Variants in TTC13 observed in about 807,000 individuals in gnomAD.
TTC13 encodes tetratricopeptide repeat protein 13.
In TTC13, 62 loss-of-function variants were observed where a neutral mutation model predicts 120.0. The ratio of observed to expected loss-of-function variants is 0.52; its 90% CI spans 0.42 to 0.64. The LOEUF (loss-of-function observed/expected upper bound fraction) is 0.64. Ranked by LOEUF, TTC13 falls within the 30% of genes least tolerant of loss-of-function variation. The pLI, the probability that TTC13 is intolerant of heterozygous loss-of-function variation, is 0.00. For missense variants in TTC13, 824 were observed against 1,050.2 expected, an observed-to-expected ratio of 0.78 and a Z score of 2.98; for synonymous variants, 384 against 393.5, an observed-to-expected ratio of 0.98 and a Z score of 0.28.
chr1:230,914,440 G>A (rs1369802236), intron 18 of TTC13, among the ~76,000 whole-genome samples: 3 of 151,968 alleles, frequency 2.0e-5, no homozygotes, highest in Non-Finnish European at 4.4e-5. Flanking sequence ...CTGTCACCAG[G>A]CTGGAGTGCA....
rs1469538775 is a variant in TTC13 at position 230,978,519 on chromosome 1, G to A, written c.271+41C>T. 5 of 653,050 alleles carry A rather than the reference G, an allele frequency of 7.7e-6. No individual in the cohort carries two copies. Among genetic ancestry groups the A allele is most frequent in the Non-Finnish European group, 2.2e-6 (1 of 457,156 alleles). 40.5% of individuals were successfully genotyped at this position (653,050 alleles called of 1,614,324 possible). A position where few individuals can be genotyped will look rare whatever the true frequency, so the allele number is the denominator to read the frequency against. On this transcript the variant is annotated intron_variant, in intron 1 of 22. Coordinates refer to ENST00000366661, the MANE Select transcript of TTC13 (RefSeq NM_024525.5). The surrounding 1 kb of genome is among the most constrained non-coding windows in gnomAD (Gnocchi z 5.6). ...CCCGGGACCCCAGCCCCGCTGCCCC[G>A]CCGCCCCGGCCGACTCGGACGCCCG...
chr1:230,928,143 A>G (rs1222090979), intron 12 of TTC13, among the ~76,000 whole-genome samples: 4 of 152,164 alleles, frequency 2.6e-5, no homozygotes, highest in African/African-American at 9.7e-5. Flanking sequence ...GTTCTTCAAT[A>G]CATTTGCTTA....
rs187105551 is a variant in TTC13 at position 230,927,799 on chromosome 1, C to A, written c.1457+1138G>T. Among the ~76,000 whole-genome samples the A allele has an allele frequency of 2.1e-3, 318 of 152,218 alleles. 3 individuals carry two copies. Among genetic ancestry groups the A allele is most frequent in the African/African-American group, 7.2e-3 (301 of 41,538 alleles). On this transcript the variant is annotated intron_variant, in intron 12 of 22. Transcript: ENST00000366661. ...ATAAACATCTTCATTTATATTTCCT[C>A]CTAAAGTTTAAAATATTTTGCCATT...
intron 8 of TTC13, 96 bp from the exon 9 acceptor site, chr1:230,933,957 C>G (rs1673808255): frequency 4.5e-6 from 3 of 663,604 alleles, no homozygotes; most frequent in Non-Finnish European, 4.7e-6. Context: ...ATCCTAGTCT[C>G]TGACAGATTT....
intron 1 of TTC13, among the ~76,000 whole-genome samples, chr1:230,961,870 A>C (rs1676669686): frequency 6.6e-6 from 1 of 152,160 alleles, no homozygotes; most frequent in Non-Finnish European, 1.5e-5. Flanking sequence ...GATTAAAAAA[A>C]ATCACAAAAG....
At chr1:230,927,822 A>G (rs1673171287) in intron 12 of TTC13, among the ~76,000 whole-genome samples, 1 of 152,186 alleles carries the variant, frequency 6.6e-6, no homozygotes, top group Non-Finnish European at 1.5e-5. Context: ...ATATTTTGCC[A>G]TTCATACTTC....
In TTC13 at chr1:230,960,860, G is replaced by A. The variant is rs1676566273; in HGVS notation, c.366+349C>T. ...GAGAGGTCCACGGTATAGTTTAGTT[G>A]GTACTGATAGAAAACATAGATACAA... On this transcript the variant is annotated intron_variant, in intron 2 of 22. Coordinates refer to ENST00000366661, the MANE Select transcript of TTC13 (RefSeq NM_024525.5). Among the ~76,000 whole-genome samples, 3 of 152,150 alleles carry A rather than the reference G, an allele frequency of 2.0e-5. No homozygotes were observed. In the South Asian group the frequency reaches 6.2e-4, roughly 32 times the overall value.
chr1:230,954,242 C>T, intron 4 of TTC13, 91 bp downstream of exon 4: 1 of 863,482 alleles, frequency 1.2e-6, no homozygotes, highest in Non-Finnish European at 1.8e-6. Context: ...AATTTAAAAA[C>T]ATGTCGTATT....
chr1:230,908,716 T>C lies in TTC13; in HGVS notation c.2464A>G (p.Lys822Glu), dbSNP rs757772505. ...SKVAKSWMNL[K>E]SISPSYKTLP... ...GGACCCCCCTCAAGTAGTTACCTTT[T>C]CAAGTTCATCCAGCTTTTGGCGACT... The change falls in exon 22 of 23, where the codon AAA becomes GAA. Residue 822 changes from lysine to glutamate, a missense_variant. Lys to Glu is a moderately conservative substitution (Grantham distance 56). Around this residue, in one of 4 missense-constraint regions of TTC13, gnomAD observed 226 missense variants for 259.1 expected, o/e 0.87. Coordinates refer to ENST00000366661, the MANE Select transcript of TTC13 (RefSeq NM_024525.5). 1.2e-6 allele frequency: 2 copies of C among 1,613,226 alleles called. No individual in the cohort carries two copies. Among genetic ancestry groups the C allele is most frequent in the African/African-American group, 2.7e-5 (2 of 74,920 alleles).
At chr1:230,955,808 C>A (rs1676028874) in intron 3 of TTC13, among the ~76,000 whole-genome samples, 1 of 152,096 alleles carries the variant, frequency 6.6e-6, no homozygotes, top group South Asian at 2.1e-4. Context: ...TGGGGGCATT[C>A]TTCAAAATAA....
chr1:230,918,313 A>C (rs1672241415), intron 17 of TTC13, among the ~76,000 whole-genome samples: 1 of 152,306 alleles, frequency 6.6e-6, no homozygotes, highest in African/African-American at 2.4e-5. Context: ...ATGACAATGT[A>C]GCTCACCAAA....
At chr1:230,967,923 T>C (rs1157728713) in intron 1 of TTC13, among the ~76,000 whole-genome samples, 1 of 152,232 alleles carries the variant, frequency 6.6e-6, no homozygotes, top group African/African-American at 2.4e-5. Context: ...CTATAGAAAC[T>C]GTGTGAAAAC....
At chr1:230,971,410 C>T (rs998307317) in intron 1 of TTC13, among the ~76,000 whole-genome samples, 7 of 151,158 alleles carry the variant, frequency 4.6e-5, no homozygotes, top group African/African-American at 1.7e-4. Context: ...TCAATGGCCC[C>T]GAAATATGGT....
chr1:230,923,008 T>C (rs926515476), intron 15 of TTC13, among the ~76,000 whole-genome samples: 1 of 152,172 alleles, frequency 6.6e-6, no homozygotes, highest in Admixed American at 6.5e-5. Context: ...ATTTGTTTTC[T>C]AGAAATTAAA....
chr1:230,967,286 T>C (rs1677219531), intron 1 of TTC13, among the ~76,000 whole-genome samples: 3 of 152,182 alleles, frequency 2.0e-5, no homozygotes, highest in African/African-American at 7.2e-5. Flanking sequence ...TCATCAACTT[T>C]TGATGATAAA....
intron 4 of TTC13, among the ~76,000 whole-genome samples, chr1:230,946,875 G>A (rs1016379185): frequency 1.1e-4 from 16 of 152,064 alleles, no homozygotes; most frequent in African/African-American, 3.4e-4. Context: ...TAAGAGGGGC[G>A]GGGAACAGTA....
chr1:230,943,671 G>A, intron 6 of TTC13, 135 bp downstream of exon 6: 1 of 594,538 alleles, frequency 1.7e-6, no homozygotes, highest in Admixed American at 2.9e-5. Context: ...CATGCTTAAA[G>A]GCATTAAGTA....
chr1:230,931,210 T>C (rs1673523238), intron 11 of TTC13, 88 bp downstream of exon 11: 30 of 1,445,994 alleles, frequency 2.1e-5, no homozygotes, highest in Non-Finnish European at 2.8e-5. Flanking sequence ...GACTCCACTG[T>C]TTCATACGAA....
At chr1:230,915,871 C>T (rs547654004) in intron 18 of TTC13, among the ~76,000 whole-genome samples, 5 of 145,172 alleles carry the variant, frequency 3.4e-5, no homozygotes, top group African/African-American at 1.3e-4. Flanking sequence ...AACTGCTCAT[C>T]TTTTTTCATT....
Sources: allele counts gnomAD v4.1 joint callset (sites outside exome capture counted in the v4.1 genomes callset), GRCh38; gene constraint gnomAD v4.1.1; regional missense constraint gnomAD v4.1.1; non-coding constraint Gnocchi (gnomAD v3.1); transcripts MANE v1.5; gene names NCBI Gene and HGNC (gene_info 2026-07-23, HGNC 2026-07-21).